The following ZBTB10 variants were observed in gnomAD, a reference collection of about 807,000 sequenced individuals.
ZBTB10 encodes the protein zinc finger and BTB domain-containing protein 10.
Under a neutral mutation model 76.4 loss-of-function variants are expected in ZBTB10, and 32 were observed. That is an observed-to-expected ratio of 0.42 (90% confidence interval 0.32 to 0.56). The LOEUF (loss-of-function observed/expected upper bound fraction) is 0.56. ZBTB10 is among the 20% of genes least tolerant of loss of function. ZBTB10 has a pLI of 0.14. For synonymous variants in ZBTB10, 523 were observed against 432.9 expected (o/e 1.21, Z -2.58); for missense variants, 1,057 against 1,098.5 (o/e 0.96, Z 0.53).
chr8:80,493,207 G>GCGCGCGCGCGCGCGCGCA (rs375071529), intron 1 of ZBTB10, among the ~76,000 whole-genome samples: 2 of 125,244 alleles, frequency 1.6e-5, no homozygotes, highest in Admixed American at 7.8e-5. Flanking sequence ...GCGCGCGCGC[G>GCGCGCGCGCGCGCGCGCA]CACACACACA....
rs1233046426 is a variant in ZBTB10, at chr8:80,525,219, C to G, written c.*5691C>G. The G allele has an allele frequency of 6.6e-6, 1 of 151,998 alleles. No homozygotes were observed. The highest frequency in any genetic ancestry group is 1.5e-5 in the Non-Finnish European group (1 of 67,966). 9.4% of individuals were successfully genotyped at this position (151,998 alleles called of 1,614,324 possible). ...TTGGATCTATGTTTAGGTAAGAAAA[C>G]TAAAGGTACTTCAGAATTTAGGCTA... On this transcript the variant is annotated 3_prime_UTR_variant, in exon 6 of 6. Transcript: ENST00000455036.
At position 80,513,904 on chromosome 8, in the gene ZBTB10, T is replaced by G; in HGVS notation, c.1862-6T>G. 6.2e-7 allele frequency: 1 copy of G among 1,612,578 alleles called. No homozygotes were observed. The highest frequency in any genetic ancestry group is 2.2e-5 in the East Asian group (1 of 44,846). ...GTAGATAAATTTTTCTATGTTTCCT[T>G]TTCAGATTTAGATGGTGCTCTACTC... is the stretch of plus-strand genomic sequence containing the variant. On this transcript the variant is annotated splice_region_variant and splice_polypyrimidine_tract_variant and intron_variant, in intron 2 of 5. Transcript: ENST00000455036.
intron 1 of ZBTB10, among the ~76,000 whole-genome samples, chr8:80,499,220 A>G (rs535610369): frequency 2.0e-5 from 3 of 152,288 alleles, no homozygotes; most frequent in Admixed American, 6.5e-5. Flanking sequence ...GAAATTCTCA[A>G]TTCATGTTCT....
At chr8:80,494,922 CAAAAAAAAAA>C (rs35629668) in intron 1 of ZBTB10, among the ~76,000 whole-genome samples, 1 of 105,222 alleles carries the variant, frequency 9.5e-6, no homozygotes, top group South Asian at 3.3e-4. Context: ...GACACTGTCT[CAAAAAAAAAA>C]AAAAAAAAAG....
chr8:80,516,281 G>A (rs181862764), intron 3 of ZBTB10, among the ~76,000 whole-genome samples: 107 of 152,284 alleles, frequency 7.0e-4, no homozygotes, highest in African/African-American at 2.4e-3. Flanking sequence ...AACATCTAAT[G>A]TGTCTTTTGG....
intron 1 of ZBTB10, among the ~76,000 whole-genome samples, chr8:80,494,053 CTTGT>C (rs772736953): frequency 5.9e-5 from 9 of 152,132 alleles, no homozygotes; most frequent in Non-Finnish European, 7.4e-5. Context: ...TTGCTATGGC[CTTGT>C]TTGTCTTCCT....
At chr8:80,485,912 G>A (rs112338660), upstream of ZBTB10, 1,753 of 1,530,420 alleles carry the variant, frequency 1.1e-3, 16 homozygotes, top group African/African-American at 0.018. Flanking sequence ...GAGGCGGCCA[G>A]ACCCTGACAC....
At chr8:80,510,243 T>C (rs968398653) in intron 2 of ZBTB10, among the ~76,000 whole-genome samples, 1 of 152,210 alleles carries the variant, frequency 6.6e-6, no homozygotes, top group African/African-American at 2.4e-5. Context: ...AAAGTACGTG[T>C]GAATATACTT....
upstream of ZBTB10, chr8:80,486,010 T>C: frequency 9.2e-7 from 1 of 1,092,068 alleles, no homozygotes; most frequent in South Asian, 1.6e-5. Flanking sequence ...GCCCGGCCTT[T>C]TGTCCCCAAC....
Position 80,499,484 on chromosome 8 carries a change from C to T in ZBTB10, c.973-10C>T. The T allele has an allele frequency of 6.5e-7, 1 of 1,538,304 alleles. No individual in the cohort carries two copies. The highest frequency in any genetic ancestry group is 8.7e-7 in the Non-Finnish European group (1 of 1,144,562). ...AAAGTTTAATATTAATGTTTTTTATCCAATTACAGGAGTCAGAAATACCAT... is the reference window on the plus strand; with the variant it reads ...AAAGTTTAATATTAATGTTTTTTATTCAATTACAGGAGTCAGAAATACCAT... On this transcript the variant is annotated splice_polypyrimidine_tract_variant and intron_variant, in intron 1 of 5. Coordinates refer to ENST00000455036, the MANE Select transcript of ZBTB10 (RefSeq NM_001105539.3).
chr8:80,510,641 T>C (rs1165200612), intron 2 of ZBTB10, among the ~76,000 whole-genome samples: 1 of 60,056 alleles, frequency 1.7e-5, no homozygotes, highest in Non-Finnish European at 4.0e-5. Context: ...GTGAAACCAG[T>C]GTGTGTGTGT....
chr8:80,486,017 C>G, upstream of ZBTB10: 1 of 1,070,110 alleles, frequency 9.3e-7, no homozygotes. Context: ...CTTTTGTCCC[C>G]AACCCCTCGG....
Position 80,521,636 on chromosome 8 carries a change from T to C in ZBTB10, c.*2108T>C, listed in dbSNP as rs1816450481. The C allele has an allele frequency of 6.6e-6, 1 of 151,824 alleles. No homozygotes were observed. The highest frequency in any genetic ancestry group is 2.4e-5 in the African/African-American group (1 of 41,416). The allele number at this position is 151,824 out of a possible 1,614,324, so 9.4% of individuals were successfully genotyped here. A position where few individuals can be genotyped will look rare whatever the true frequency, so the allele number is the denominator to read the frequency against. On this transcript the variant is annotated 3_prime_UTR_variant, in exon 6 of 6. Coordinates refer to ENST00000455036, the MANE Select transcript of ZBTB10 (RefSeq NM_001105539.3). ...TTGGCTTTACATTCTTAATGTACTT[T>C]TACTTTTCCTCAAGATATGAACTTA...
At position 80,518,904 on chromosome 8, in the gene ZBTB10, A is replaced by G. The variant is rs367996608; in HGVS notation, c.2260A>G (p.Ile754Val). ...HTGVRSFSCD[I>V]CGKLFTRREH... ...AGGAGTGAGATCATTTAGCTGTGATATTTGTGGAAAACTGTTTACTCGAAG... is the reference window on the plus strand; with the variant it reads ...AGGAGTGAGATCATTTAGCTGTGATGTTTGTGGAAAACTGTTTACTCGAAG... Residue 754 changes from isoleucine to valine, a missense_variant, in exon 5 of 6, where the codon ATT (isoleucine) becomes GTT (valine). Physicochemically the swap from Ile to Val is conservative, Grantham distance 29. This residue lies in a region of ZBTB10 where 54 missense variants were observed against 138.1 expected (regional missense o/e 0.39). Coordinates refer to ENST00000455036, the MANE Select transcript of ZBTB10 (RefSeq NM_001105539.3). 6.2e-7 allele frequency: 1 copy of G among 1,609,144 alleles called. No individual in the cohort carries two copies. Among genetic ancestry groups the G allele is most frequent in the Non-Finnish European group, 8.5e-7 (1 of 1,177,356 alleles).
In ZBTB10 at chr8:80,517,871, C is replaced by CTTTTTTTT. The variant is rs773074047; in HGVS notation, c.1961-514_1961-507dup. ...CATGTTTTTTTCTCCCGCCCGCCAC[C>CTTTTTTTT]TTTTTTTTTTTTTTTTTTTTTTTTT... On this transcript the variant is annotated intron_variant, in intron 3 of 5. Coordinates refer to ENST00000455036, the MANE Select transcript of ZBTB10 (RefSeq NM_001105539.3). Among the ~76,000 whole-genome samples the CTTTTTTTT allele has an allele frequency of 1.8e-4, 14 of 76,840 alleles. 1 individual carries two copies. The highest frequency in any genetic ancestry group is 6.0e-4 in the African/African-American group (10 of 16,582). 50.4% of individuals were successfully genotyped at this position (76,840 alleles called of 152,430 possible).
chr8:80,486,824 A>G lies in ZBTB10; in HGVS notation c.14A>G (p.Glu5Gly). The G allele has an allele frequency of 6.7e-7, 1 of 1,482,298 alleles. No homozygotes were observed. The highest frequency in any genetic ancestry group is 8.9e-7 in the Non-Finnish European group (1 of 1,119,462). 91.8% of individuals were successfully genotyped at this position (1,482,298 alleles called of 1,614,324 possible). A position where few individuals can be genotyped will look rare whatever the true frequency, so the allele number is the denominator to read the frequency against. The change falls in exon 1 of 6, where the codon GAA becomes GGA. Residue 5 changes from glutamate to glycine, a missense_variant. Physicochemically the swap from Glu to Gly is moderately conservative, Grantham distance 98 (BLOSUM62 -2). Around this residue, in one of 5 missense-constraint regions of ZBTB10, gnomAD observed 556 missense variants for 451.7 expected, o/e 1.23. Transcript: ENST00000455036. MSFS[E>G]MNRRTLAFRG... ...GCGGCGCGCGCCATGTCGTTCAGTG[A>G]AATGAACCGCAGGACGCTGGCGTTC...
intron 1 of ZBTB10, among the ~76,000 whole-genome samples, chr8:80,489,733 T>C (rs998121015): frequency 6.6e-6 from 1 of 152,184 alleles, no homozygotes; most frequent in African/African-American, 2.4e-5. Context: ...CTCCTTTAAA[T>C]TCCCCCATCA....
chr8:80,486,768 G>A lies in ZBTB10; in HGVS notation c.-43G>A. 2 of 1,327,696 alleles carry A rather than the reference G, an allele frequency of 1.5e-6. No individual in the cohort carries two copies. Among genetic ancestry groups the A allele is most frequent in the South Asian group, 1.7e-5 (1 of 57,188 alleles). 82.2% of individuals were successfully genotyped at this position (1,327,696 alleles called of 1,614,324 possible). A position where few individuals can be genotyped will look rare whatever the true frequency, so the allele number is the denominator to read the frequency against. On this transcript the variant is annotated 5_prime_UTR_variant, in exon 1 of 6. Transcript: ENST00000455036. ...CGCGCGGGACGCGGCCCGAGGCCGT[G>A]CGCGAGCCGGGGCACCGGGCGGCGG... is the stretch of plus-strand genomic sequence containing the variant.
chr8:80,507,636 A>G (rs2131502938), intron 2 of ZBTB10, among the ~76,000 whole-genome samples: 1 of 151,676 alleles, frequency 6.6e-6, no homozygotes. Flanking sequence ...TCCCTCTGTC[A>G]CCCAGGCTGG....
Sources: gnomAD v4.1 joint callset for allele counts (sites outside exome capture counted in the v4.1 genomes callset) on GRCh38, gnomAD v4.1.1 for gene constraint, gnomAD v4.1.1 regional missense constraint, MANE v1.5 for transcripts, NCBI Gene and HGNC (gene_info 2026-07-23, HGNC 2026-07-21) for gene names.